Variants in NBEA observed in about 807,000 individuals in gnomAD.
NBEA encodes the protein lysosomal-trafficking regulator 2.
NBEA carries 44 observed loss-of-function variants against 343.4 expected under a neutral mutation model. That is an observed-to-expected ratio of 0.13 (90% CI 0.10 to 0.16). NBEA has a LOEUF of 0.16. NBEA is among the 10% of genes least tolerant of loss of function. The probability of loss-of-function intolerance (pLI) is 1.00; values close to 1 mark genes in which losing one functional copy is unlikely to be tolerated. For missense variants in NBEA, 2,555 were observed against 3,631.3 expected (o/e 0.70, Z 7.62); for synonymous variants, 1,175 against 1,238.7 (o/e 0.95, Z 1.08).
chr13:35,118,248 T>C lies in NBEA; in HGVS notation c.2103T>C (p.Asp701=). 1 of 1,540,080 alleles carries C rather than the reference T, an allele frequency of 6.5e-7. No homozygotes were observed. Among genetic ancestry groups the C allele is most frequent in the Non-Finnish European group, 8.8e-7 (1 of 1,140,282 alleles). ...LILKDRGVKE[D]ELQSILNYLL... is the part of the protein sequence containing the mutation. ...ATTAGGATCGAGGGGTCAAGGAAGA[T>C]GAACTTCAGAGTATATTAAATTACC... The change falls in exon 15 of 59, where the codon GAT becomes GAC. Residue 701 remains aspartate, a synonymous_variant. Coordinates refer to ENST00000379939, the MANE Select transcript of NBEA (RefSeq NM_001385012.1).
At chr13:35,007,056 C>G (rs1352174855) in intron 1 of NBEA, among the ~76,000 whole-genome samples, 1 of 141,112 alleles carries the variant, frequency 7.1e-6, no homozygotes, top group Non-Finnish European at 1.5e-5. Context: ...ATTTTTAGCA[C>G]TTTTCCTCTG....
intron 10 of NBEA, among the ~76,000 whole-genome samples, chr13:35,095,008 G>C (rs2065261440): frequency 6.6e-6 from 1 of 151,718 alleles, no homozygotes; most frequent in Admixed American, 6.6e-5. Flanking sequence ...AGCCAATCTA[G>C]CTGTGGTACT....
intron 1 of NBEA, among the ~76,000 whole-genome samples, chr13:35,021,531 C>T (rs559248807): frequency 1.3e-5 from 2 of 151,968 alleles, no homozygotes; most frequent in South Asian, 4.2e-4. Context: ...ATCTGTTTTT[C>T]TTTCTCCTTT....
intron 41 of NBEA, among the ~76,000 whole-genome samples, chr13:35,507,206 T>C (rs956569469): frequency 6.6e-6 from 1 of 152,186 alleles, no homozygotes; most frequent in African/African-American, 2.4e-5. Context: ...GCCCTACTCC[T>C]GTTCTACCTC....
intron 38 of NBEA, among the ~76,000 whole-genome samples, chr13:35,425,033 T>C (rs886350454): frequency 2.0e-5 from 3 of 152,202 alleles, no homozygotes; most frequent in Non-Finnish European, 4.4e-5. Flanking sequence ...TTGATTCTTC[T>C]CTATTTTCTT....
intron 44 of NBEA, among the ~76,000 whole-genome samples, chr13:35,560,740 A>G (rs1238756294): frequency 6.6e-6 from 1 of 152,146 alleles, no homozygotes; most frequent in Non-Finnish European, 1.5e-5. Flanking sequence ...CTCTGCAATC[A>G]TTGGATGCAG....
intron 35 of NBEA, among the ~76,000 whole-genome samples, chr13:35,295,874 TTGTTGAATTCTTTTTTTAAAAC>T (rs1448080548): frequency 6.6e-6 from 1 of 152,146 alleles, no homozygotes; most frequent in African/African-American, 2.4e-5. Flanking sequence ...AGATATTTTA[TTGTTGAATTCTTTTTTTAAAAC>T]TCTTAGAGAA....
intron 13 of NBEA, among the ~76,000 whole-genome samples, chr13:35,115,090 G>A (rs923826997): frequency 1.3e-5 from 2 of 151,860 alleles, no homozygotes; most frequent in African/African-American, 2.4e-5. Context: ...AAATATTATA[G>A]GTCAGGTAAT....
At chr13:35,041,798 C>T (rs2062661510) in intron 2 of NBEA, among the ~76,000 whole-genome samples, 2 of 151,952 alleles carry the variant, frequency 1.3e-5, no homozygotes, top group African/African-American at 4.8e-5. Flanking sequence ...CGTTTACTAC[C>T]TTGCATGCTC....
intron 24 of NBEA, chr13:35,165,036 C>T: frequency 1.9e-6 from 1 of 531,928 alleles, no homozygotes. Flanking sequence ...AAGGCAGACT[C>T]CATAGCTACT....
chr13:35,295,094 C>T (rs2036038393), intron 35 of NBEA, among the ~76,000 whole-genome samples: 1 of 147,532 alleles, frequency 6.8e-6, no homozygotes, highest in South Asian at 2.1e-4. Context: ...ATTAAGTGGC[C>T]AGGCAATGTA....
At chr13:35,272,917 C>T (rs2034278234) in intron 34 of NBEA, among the ~76,000 whole-genome samples, 1 of 152,100 alleles carries the variant, frequency 6.6e-6, no homozygotes, top group African/African-American at 2.4e-5. Flanking sequence ...AGACTTAACA[C>T]CCAACTGTCA....
intron 36 of NBEA, among the ~76,000 whole-genome samples, chr13:35,319,852 T>G (rs1468686720): frequency 6.6e-6 from 1 of 152,172 alleles, no homozygotes; most frequent in Non-Finnish European, 1.5e-5. Flanking sequence ...ATAATTCCCT[T>G]CTTTGTCTGT....
At chr13:35,039,874 A>G (rs1187832352) in intron 1 of NBEA, among the ~76,000 whole-genome samples, 1 of 152,128 alleles carries the variant, frequency 6.6e-6, no homozygotes, top group Admixed American at 6.6e-5. Context: ...TTCATGCTTT[A>G]TATAACTTTT....
chr13:35,602,823 C>G (rs1372476229), intron 47 of NBEA, among the ~76,000 whole-genome samples: 1 of 152,146 alleles, frequency 6.6e-6, no homozygotes, highest in African/African-American at 2.4e-5. Flanking sequence ...TATTCTTCCT[C>G]CTGCCCTTCT....
intron 1 of NBEA, among the ~76,000 whole-genome samples, chr13:34,974,535 A>T (rs1257651991): frequency 6.6e-6 from 1 of 152,178 alleles, no homozygotes; most frequent in Non-Finnish European, 1.5e-5. Context: ...GACTATTTTA[A>T]TAGGGATAGA....
At chr13:35,064,115 A>G (rs2063561670) in intron 8 of NBEA, among the ~76,000 whole-genome samples, 1 of 152,090 alleles carries the variant, frequency 6.6e-6, no homozygotes, top group South Asian at 2.1e-4. Flanking sequence ...TCTGGAGTTC[A>G]GAGGCGACAT....
intron 38 of NBEA, among the ~76,000 whole-genome samples, chr13:35,421,597 A>G (rs2152923725): frequency 6.6e-6 from 1 of 152,198 alleles, no homozygotes; most frequent in Non-Finnish European, 1.5e-5. Context: ...CCTATTATAG[A>G]TAGTCATGTT....
At chr13:35,654,716 G>A in intron 53 of NBEA, 139 bp from the exon 54 acceptor site, 1 of 599,648 alleles carries the variant, frequency 1.7e-6, no homozygotes, top group Non-Finnish European at 2.7e-6. Flanking sequence ...TTCCTCAAGG[G>A]AGAATCTTAA....
Sources: gnomAD v4.1 joint callset for allele counts (sites outside exome capture counted in the v4.1 genomes callset) on GRCh38, gnomAD v4.1.1 for gene constraint, MANE v1.5 for transcripts, NCBI Gene and HGNC (gene_info 2026-07-23, HGNC 2026-07-21) for gene names.